Variants in MRTFA observed in about 807,000 individuals in gnomAD.
MRTFA encodes myocardin related transcription factor A.
In MRTFA, 20 loss-of-function variants were observed where a neutral mutation model predicts 83.5. The observed-to-expected ratio is 0.24, with a 90% CI of 0.17 to 0.35. The LOEUF is 0.35. Ranked by LOEUF, MRTFA falls within the 10% of genes least tolerant of loss-of-function variation. MRTFA has a pLI of 1.00. For synonymous variants in MRTFA, 659 were observed against 541.2 expected (o/e 1.22, Z -3.02); for missense variants, 1,200 against 1,224.7 (o/e 0.98, Z 0.30).
chr22:40,431,395 A>G lies in MRTFA; in HGVS notation c.439+10T>C, dbSNP rs1375709041. On this transcript the variant is annotated intron_variant, in intron 6 of 14. Coordinates refer to ENST00000355630, the MANE Select transcript of MRTFA (RefSeq NM_020831.6). ...GGATCTAGATGGAAAAGCAATTCCA[A>G]TCTCCACACCTTCCAAAATGTGCAT... is the stretch of plus-strand genomic sequence containing the variant. 2.5e-6 allele frequency: 4 copies of G among 1,613,752 alleles called. No homozygotes were observed. Among genetic ancestry groups the G allele is most frequent in the Non-Finnish European group, 3.4e-6 (4 of 1,179,652 alleles).
chr22:40,511,264 G>C (rs2147242154), intron 3 of MRTFA, among the ~76,000 whole-genome samples: 1 of 152,236 alleles, frequency 6.6e-6, no homozygotes, highest in East Asian at 1.9e-4. Context: ...AAATAGATAT[G>C]ACAAGTACAA....
chr22:40,474,828 T>C (rs2053965989), intron 3 of MRTFA, among the ~76,000 whole-genome samples: 1 of 152,188 alleles, frequency 6.6e-6, no homozygotes, highest in South Asian at 2.1e-4. Context: ...AATTCATGTA[T>C]TCAAATGGCT....
At chr22:40,448,425 G>A (rs1175876643) in intron 4 of MRTFA, among the ~76,000 whole-genome samples, 1 of 152,170 alleles carries the variant, frequency 6.6e-6, no homozygotes, top group Non-Finnish European at 1.5e-5. Flanking sequence ...TGTGAGCCAA[G>A]ATCACACCAC....
At chr22:40,461,896 C>T (rs2053721002) in intron 4 of MRTFA, among the ~76,000 whole-genome samples, 1 of 152,174 alleles carries the variant, frequency 6.6e-6, no homozygotes, top group African/African-American at 2.4e-5. Flanking sequence ...CTTCACTTGC[C>T]CCTTCTCTCT....
At chr22:40,424,860 G>A (rs1291165408) in intron 7 of MRTFA, among the ~76,000 whole-genome samples, 2 of 152,174 alleles carry the variant, frequency 1.3e-5, no homozygotes, top group East Asian at 3.9e-4. Context: ...CAGCTAACGA[G>A]GGACCAGAAG....
chr22:40,562,141 C>T (rs936673005), intron 2 of MRTFA, among the ~76,000 whole-genome samples: 1 of 151,454 alleles, frequency 6.6e-6, no homozygotes, highest in African/African-American at 2.4e-5. Context: ...GGCGTGAACC[C>T]GGGAGGCGGA....
intron 2 of MRTFA, among the ~76,000 whole-genome samples, chr22:40,553,127 G>C (rs1569324912): frequency 6.6e-6 from 1 of 152,188 alleles, no homozygotes. Flanking sequence ...AGATGATTTA[G>C]GGTATCTGGC....
At chr22:40,514,651 T>A (rs1176699421) in intron 3 of MRTFA, among the ~76,000 whole-genome samples, 1 of 46,486 alleles carries the variant, frequency 2.2e-5, no homozygotes, top group Non-Finnish European at 5.0e-5. Context: ...TTTTTGTATG[T>A]TTTTTTTTAG....
chr22:40,620,211 C>T (rs150180595), intron 1 of MRTFA, among the ~76,000 whole-genome samples: 2,972 of 151,470 alleles, frequency 0.02, 89 homozygotes, highest in African/African-American at 0.067. Flanking sequence ...CCACAACCTC[C>T]ACCTCCTAGG....
At chr22:40,478,725 C>A (rs1166900087) in intron 3 of MRTFA, among the ~76,000 whole-genome samples, 1 of 152,154 alleles carries the variant, frequency 6.6e-6, no homozygotes, top group East Asian at 1.9e-4. Flanking sequence ...TTCATTGTTA[C>A]AACATGCAAC....
At chr22:40,616,484 T>C (rs1036167371) in intron 1 of MRTFA, among the ~76,000 whole-genome samples, 2 of 152,064 alleles carry the variant, frequency 1.3e-5, no homozygotes, top group African/African-American at 2.4e-5. Flanking sequence ...TAACTGGAAA[T>C]AGGGTGGCTT....
rs201637009 is a variant in MRTFA at position 40,417,330 on chromosome 22, G to A, written c.2517+11C>T. The stretch of plus-strand genomic sequence containing the variant: ...TGCCAACACTAGCCAGGCCTAGCCC[G>A]CCTTCCTCACCTGCTGTTTGGGCTG... On this transcript the variant is annotated intron_variant, in intron 13 of 14. Transcript: ENST00000355630. 143 of 1,609,308 alleles carry A rather than the reference G, an allele frequency of 8.9e-5. No homozygotes were observed. In the East Asian group the frequency reaches 2.6e-3, roughly 30 times the overall value.
chr22:40,571,221 T>G (rs760087258), intron 2 of MRTFA, among the ~76,000 whole-genome samples: 12 of 151,200 alleles, frequency 7.9e-5, no homozygotes, highest in African/African-American at 1.5e-4. Flanking sequence ...AAAAATAAAA[T>G]AAAAGAATGA....
intron 1 of MRTFA, among the ~76,000 whole-genome samples, chr22:40,619,755 T>C (rs902961285): frequency 1.3e-5 from 2 of 151,526 alleles, no homozygotes; most frequent in African/African-American, 4.8e-5. Flanking sequence ...CTGGGCGTGG[T>C]GGCAGGAGCC....
In MRTFA at chr22:40,636,483, C is replaced by CGCGCGGCTCCCGGCCGGGTT. The variant is rs1471219298; in HGVS notation, c.-109_-90dup. 6.6e-5 allele frequency: 10 copies of CGCGCGGCTCCCGGCCGGGTT among 152,360 alleles called. No homozygotes were observed. The highest frequency in any genetic ancestry group is 1.2e-4 in the African/African-American group (5 of 41,456). 9.4% of individuals were successfully genotyped at this position (152,360 alleles called of 1,614,324 possible). A position where few individuals can be genotyped will look rare whatever the true frequency, so the allele number is the denominator to read the frequency against. On this transcript the variant is annotated 5_prime_UTR_variant, in exon 1 of 15. Coordinates refer to ENST00000355630, the MANE Select transcript of MRTFA (RefSeq NM_020831.6). Reference sequence around the variant, plus strand: ...CAACCCGGACTCTCACTCACCGCCTCGCGCGGCTCCCGGCCGGGTTCCGCG... The same window carrying CGCGCGGCTCCCGGCCGGGTT: ...CAACCCGGACTCTCACTCACCGCCTCGCGCGGCTCCCGGCCGGGTTGCGCGGCTCCCGGCCGGGTTCCGCG...
intron 14 of MRTFA, chr22:40,415,508 GCTC>G: frequency 1.3e-5 from 2 of 152,460 alleles, no homozygotes; most frequent in Non-Finnish European, 2.9e-5. Flanking sequence ...CCCCTCAGCC[GCTC>G]CTCCTCCTCC....
At chr22:40,447,641 G>T (rs2053406732) in intron 4 of MRTFA, among the ~76,000 whole-genome samples, 1 of 152,164 alleles carries the variant, frequency 6.6e-6, no homozygotes, top group South Asian at 2.1e-4. Context: ...TGACAAAAAG[G>T]CTTCTGAGGT....
chr22:40,507,528 G>C (rs898648523), intron 3 of MRTFA, among the ~76,000 whole-genome samples: 1 of 151,618 alleles, frequency 6.6e-6, no homozygotes, highest in Non-Finnish European at 1.5e-5. Context: ...AGGCTGAGGT[G>C]GGGGGATCAC....
At chr22:40,563,632 C>G (rs982587015) in intron 2 of MRTFA, among the ~76,000 whole-genome samples, 49 of 152,066 alleles carry the variant, frequency 3.2e-4, no homozygotes, top group African/African-American at 1.0e-3. Context: ...GGAAGCCAAG[C>G]GGGGAGGATC....
Sources: allele counts gnomAD v4.1 joint callset (sites outside exome capture counted in the v4.1 genomes callset), GRCh38; gene constraint gnomAD v4.1.1; transcripts MANE v1.5; gene names NCBI Gene and HGNC (gene_info 2026-07-23, HGNC 2026-07-21).